The following LMO2 variants were observed in gnomAD, a reference collection of about 807,000 sequenced individuals.
LMO2 encodes LIM domain only 2.
A neutral mutation model predicts 23.2 loss-of-function variants in LMO2; 20 were observed. The ratio of observed to expected loss-of-function variants is 0.86; its 90% CI spans 0.61 to 1.25. LMO2 has a LOEUF of 1.25. Among genes scored for constraint, LMO2 ranks in the 50% most tolerant of loss-of-function variants. The pLI is 0.00. For missense variants in LMO2, 270 were observed against 315.3 expected, an observed-to-expected ratio of 0.86 and a Z score of 1.09; for synonymous variants, 123 against 130.2, an observed-to-expected ratio of 0.94 and a Z score of 0.38.
Position 33,869,970 on chromosome 11 carries a change from G to T in LMO2, c.-254C>A. 9.7e-7 allele frequency: 1 copy of T among 1,035,700 alleles called. No individual in the cohort carries two copies. Among genetic ancestry groups the T allele is most frequent in the Non-Finnish European group, 1.2e-6 (1 of 861,530 alleles). 64.2% of individuals were successfully genotyped at this position (1,035,700 alleles called of 1,614,324 possible). On this transcript the variant is annotated 5_prime_UTR_variant, in exon 3 of 6. Coordinates refer to ENST00000257818, the MANE Select transcript of LMO2 (RefSeq NM_005574.4). Reference sequence around the variant, plus strand: ...TTTCGCTCAGCTTCCCTCTGTCTCTGGTTTCATTTCCTTTTTCCTGATCAC... The same window carrying T: ...TTTCGCTCAGCTTCCCTCTGTCTCTTGTTTCATTTCCTTTTTCCTGATCAC...
At chr11:33,887,160 A>G (rs2133718661) in intron 1 of LMO2, among the ~76,000 whole-genome samples, 1 of 152,400 alleles carries the variant, frequency 6.6e-6, no homozygotes, top group Admixed American at 6.5e-5. Flanking sequence ...AGGGGCAAGT[A>G]TCAAGGGAGA....
At chr11:33,862,284 A>C (rs767315986) in intron 5 of LMO2, among the ~76,000 whole-genome samples, 5 of 152,186 alleles carry the variant, frequency 3.3e-5, no homozygotes, top group African/African-American at 4.8e-5. Flanking sequence ...CATGTCTGTC[A>C]CTGGTTAAGG....
At chr11:33,883,127 A>C (rs1857326010) in intron 1 of LMO2, among the ~76,000 whole-genome samples, 1 of 152,236 alleles carries the variant, frequency 6.6e-6, no homozygotes, top group Admixed American at 6.5e-5. Flanking sequence ...TTTCTTCTCC[A>C]CTAAGGGATG....
At chr11:33,861,321 T>C (rs983648717) in intron 5 of LMO2, among the ~76,000 whole-genome samples, 5 of 152,178 alleles carry the variant, frequency 3.3e-5, no homozygotes, top group Admixed American at 2.6e-4. Flanking sequence ...AGAGAATCAG[T>C]GGGTACATTC....
At chr11:33,881,316 T>C (rs1857277788) in intron 2 of LMO2, 1 of 456,828 alleles carries the variant, frequency 2.2e-6, no homozygotes, top group East Asian at 6.9e-5. Context: ...CATTTGTATT[T>C]CCTGCGTGGC....
rs1250754116 is a variant in LMO2, at chr11:33,870,445, GCGGGCTGCGGGCTA to G, written c.-271-472_-271-459del. 37 of 986,360 alleles carry G rather than the reference GCGGGCTGCGGGCTA, an allele frequency of 3.8e-5. No homozygotes were observed. The East Asian group carries it at 7.9e-4, about 21-fold the overall frequency. 61.1% of individuals were successfully genotyped at this position (986,360 alleles called of 1,614,324 possible). ...GGGATGCCCCGGACAGCGCGGCTCT[GCGGGCTGCGGGCTA>G]CGGGCTGCGGGCCCCAGGCTGCGGG... On this transcript the variant is annotated intron_variant, in intron 2 of 5. Transcript: ENST00000257818.
intron 1 of LMO2, among the ~76,000 whole-genome samples, chr11:33,891,067 C>T (rs906251008): frequency 6.6e-6 from 1 of 152,168 alleles, no homozygotes; most frequent in African/African-American, 2.4e-5. Flanking sequence ...CAAGAGAAGA[C>T]GTGTAAAACC....
At chr11:33,891,558 G>A (rs1019322934) in intron 1 of LMO2, among the ~76,000 whole-genome samples, 33 of 152,176 alleles carry the variant, frequency 2.2e-4, no homozygotes, top group African/African-American at 8.0e-4. Flanking sequence ...CACAGCAAGC[G>A]CCTGACTCAC....
In LMO2 at chr11:33,859,094, C is replaced by T. The variant is rs541630227; in HGVS notation, c.*262G>A. On this transcript the variant is annotated 3_prime_UTR_variant, in exon 6 of 6. Coordinates refer to ENST00000257818, the MANE Select transcript of LMO2 (RefSeq NM_005574.4). Reference sequence around the variant, plus strand: ...GCTTGCCCCTAAATGTTCCTTTCTTCTGCTAATCATGTCAGTTACTATGGA... The same window carrying T: ...GCTTGCCCCTAAATGTTCCTTTCTTTTGCTAATCATGTCAGTTACTATGGA... 4 of 459,702 alleles carry T rather than the reference C, an allele frequency of 8.7e-6. No individual in the cohort carries two copies. In the South Asian group the frequency reaches 1.1e-4, roughly 12 times the overall value. The allele number at this position is 459,702 out of a possible 1,614,324, so 28.5% of individuals were successfully genotyped here. A position where few individuals can be genotyped will look rare whatever the true frequency, so the allele number is the denominator to read the frequency against.
chr11:33,875,088 A>G (rs763884778), intron 2 of LMO2, among the ~76,000 whole-genome samples: 1 of 152,170 alleles, frequency 6.6e-6, no homozygotes, highest in Non-Finnish European at 1.5e-5. Context: ...TTCTGCATTC[A>G]TTGACCTTGG....
rs770231963 is a variant in LMO2 at position 33,880,230 on chromosome 11, T to TATATATATCATATATACACATG, written c.-272+1572_-272+1593dup. Among the ~76,000 whole-genome samples the TATATATATCATATATACACATG allele has an allele frequency of 0.028, 4,016 of 143,346 alleles. 537 individuals carry two copies. Among genetic ancestry groups the TATATATATCATATATACACATG allele is most frequent in the East Asian group, 0.094 (460 of 4,908 alleles). The allele number at this position is 143,346 out of a possible 152,430, so 94.0% of individuals were successfully genotyped here. On this transcript the variant is annotated intron_variant, in intron 2 of 5. Transcript: ENST00000257818. This position sits in a 1 kb window ranked among gnomAD's most constrained non-coding sequence, Gnocchi z 4.3. ...ATATATATATCATATATACACATGA[T>TATATATATCATATATACACATG]ATATATATCATATATACACATGATA...
intron 1 of LMO2, among the ~76,000 whole-genome samples, chr11:33,887,298 T>C (rs1395543408): frequency 2.0e-5 from 3 of 152,182 alleles, no homozygotes; most frequent in Admixed American, 1.3e-4. Context: ...GGAATACATG[T>C]CCACCATGGT....
At chr11:33,874,769 A>G (rs1857097478) in intron 2 of LMO2, among the ~76,000 whole-genome samples, 1 of 152,248 alleles carries the variant, frequency 6.6e-6, no homozygotes, top group East Asian at 1.9e-4. Flanking sequence ...GGCTGCTGAC[A>G]GCTTCTCTGC....
rs904095101 is a variant in LMO2, at chr11:33,858,658, T to C, written c.*698A>G. 2.7e-5 allele frequency: 5 copies of C among 186,580 alleles called. No homozygotes were observed. Among genetic ancestry groups the C allele is most frequent in the African/African-American group, 1.2e-4 (5 of 42,888 alleles). 11.6% of individuals were successfully genotyped at this position (186,580 alleles called of 1,614,324 possible). ...AATACTTTGATATAATCTAGGATAA[T>C]AAAATAGTTGAACAACTTTTTAAGA... On this transcript the variant is annotated 3_prime_UTR_variant, in exon 6 of 6. Coordinates refer to ENST00000257818, the MANE Select transcript of LMO2 (RefSeq NM_005574.4).
chr11:33,887,540 ATTTT>A (rs3072488), intron 1 of LMO2, among the ~76,000 whole-genome samples: 82,133 of 132,584 alleles, frequency 0.62, 25,659 homozygotes, highest in Non-Finnish European at 0.7. Flanking sequence ...AGGAATGTGG[ATTTT>A]TTTTTTTTTT....
intron 3 of LMO2, 48 bp from the exon 4 acceptor site, chr11:33,869,634 C>G (rs755504726): frequency 1.6e-6 from 2 of 1,257,368 alleles, no homozygotes; most frequent in Non-Finnish European, 2.0e-6. Flanking sequence ...GCGGGCGCGC[C>G]GCGGCCGAGG....
intron 1 of LMO2, among the ~76,000 whole-genome samples, chr11:33,888,266 T>C (rs1029064850): frequency 3.3e-5 from 5 of 152,204 alleles, no homozygotes; most frequent in Admixed American, 2.6e-4. Context: ...AGCCTTATGC[T>C]TCTGCCCCAT....
At chr11:33,882,564 C>T (rs752722324) in intron 1 of LMO2, among the ~76,000 whole-genome samples, 2 of 152,208 alleles carry the variant, frequency 1.3e-5, no homozygotes, top group Non-Finnish European at 2.9e-5. Context: ...CAAAAGCCAA[C>T]ACGCAGACAC....
intron 1 of LMO2, among the ~76,000 whole-genome samples, chr11:33,886,927 GTCAGGGACTTCGC>G (rs1206092188): frequency 9.9e-5 from 15 of 152,220 alleles, no homozygotes; most frequent in African/African-American, 3.4e-4. Context: ...GAAACATGTT[GTCAGGGACTTCGC>G]TCTTCCATCC....
Sources: allele counts gnomAD v4.1 joint callset (sites outside exome capture counted in the v4.1 genomes callset), GRCh38; gene constraint gnomAD v4.1.1; non-coding constraint Gnocchi (gnomAD v3.1); transcripts MANE v1.5; gene names NCBI Gene and HGNC (gene_info 2026-07-23, HGNC 2026-07-21).